Variants in ADSL observed in about 807,000 individuals in gnomAD.
ADSL encodes the protein adenylosuccinase.
In ADSL, 44 loss-of-function variants were observed where a neutral mutation model predicts 62.1. That is an observed-to-expected ratio of 0.71 (90% CI 0.56 to 0.91). The LOEUF is 0.91. Ranked by LOEUF, ADSL falls within the 40% of genes least tolerant of loss-of-function variation. ADSL has a pLI of 0.00. For synonymous variants in ADSL, 198 were observed against 220.5 expected, an observed-to-expected ratio of 0.90 and a Z score of 0.90; for missense variants, 531 against 627.4, an observed-to-expected ratio of 0.85 and a Z score of 1.64.
intron 2 of ADSL, among the ~76,000 whole-genome samples, chr22:40,381,422 A>G (rs2047565441): frequency 2.0e-5 from 3 of 152,106 alleles, no homozygotes; most frequent in Admixed American, 2.0e-4. Context: ...GTGCTGGGAT[A>G]AGAGGAATGA....
chr22:40,352,356 G>A (rs906932656), intron 2 of ADSL, among the ~76,000 whole-genome samples: 7 of 152,024 alleles, frequency 4.6e-5, no homozygotes, highest in African/African-American at 1.4e-4. Context: ...GTGAAACCCT[G>A]TCTCTACTAA....
intron 1 of ADSL, 29 bp from the exon 2 acceptor site, chr22:40,349,803 T>G (rs764558921): frequency 6.3e-7 from 1 of 1,590,618 alleles, no homozygotes; most frequent in South Asian, 1.1e-5. Context: ...ACACTGAGAC[T>G]ATTTTATTTT....
At chr22:40,363,208 T>A in intron 10 of ADSL, 137 bp downstream of exon 10, 1 of 791,428 alleles carries the variant, frequency 1.3e-6, no homozygotes, top group Non-Finnish European at 2.2e-6. Context: ...CTTCAGTTCA[T>A]AAGCTCTAGG....
chr22:40,370,354 C>CAAAAAAA (rs11328048), downstream of ADSL, among the ~76,000 whole-genome samples: 4 of 86,378 alleles, frequency 4.6e-5, no homozygotes, highest in African/African-American at 1.8e-4. Flanking sequence ...GACTCCATCT[C>CAAAAAAA]AAAAAAAAAA....
intron 4 of ADSL, among the ~76,000 whole-genome samples, chr22:40,358,051 T>A (rs2044632186): frequency 6.6e-6 from 1 of 152,198 alleles, no homozygotes; most frequent in Admixed American, 6.5e-5. Context: ...GTGCTGGGAT[T>A]ATAGGCATGA....
chr22:40,377,618 T>C (rs150632646), intron 2 of ADSL, among the ~76,000 whole-genome samples: 3 of 152,252 alleles, frequency 2.0e-5, no homozygotes, highest in Non-Finnish European at 4.4e-5. Context: ...GGCGGATCCA[T>C]TGGGCTAAGG....
At chr22:40,376,094 C>T (rs2046509833) in intron 2 of ADSL, among the ~76,000 whole-genome samples, 1 of 150,608 alleles carries the variant, frequency 6.6e-6, no homozygotes, top group South Asian at 2.1e-4. Flanking sequence ...AGATCATTTC[C>T]CTTTTCCCTC....
intron 2 of ADSL, 56 bp from the exon 3 acceptor site, chr22:40,353,014 GTAA>G: frequency 6.7e-7 from 1 of 1,484,878 alleles, no homozygotes. Context: ...AAAGTGTTAT[GTAA>G]TAATATTGTT....
chr22:40,360,315 C>A, intron 6 of ADSL, 87 bp from the exon 7 acceptor site: 1 of 1,106,846 alleles, frequency 9.0e-7, no homozygotes, highest in Non-Finnish European at 1.4e-6. Flanking sequence ...CCTCCGTTAG[C>A]CTCCTAAGTA....
intron 9 of ADSL, among the ~76,000 whole-genome samples, chr22:40,362,348 G>A (rs1369992828): frequency 6.6e-6 from 1 of 152,206 alleles, no homozygotes; most frequent in Non-Finnish European, 1.5e-5. Flanking sequence ...CTGGAAATAA[G>A]TCATGTGAAC....
rs778350288 is a variant in ADSL, at chr22:40,353,483, C to T, written c.402+366C>T. The T allele has an allele frequency of 4.8e-4, 334 of 691,902 alleles. 1 individual carries two copies. In the Middle Eastern group the frequency reaches 5.4e-3, roughly 11 times the overall value. 42.9% of individuals were successfully genotyped at this position (691,902 alleles called of 1,614,324 possible). A position where few individuals can be genotyped will look rare whatever the true frequency, so the allele number is the denominator to read the frequency against. On this transcript the variant is annotated intron_variant, in intron 3 of 12. Transcript: ENST00000623063. The stretch of plus-strand genomic sequence containing the variant: ...AATTTTCTGTAGAAATGGTTTTTGC[C>T]ATGTTGCCCAGGCTGGTCTCAAACT...
intron 4 of ADSL, among the ~76,000 whole-genome samples, chr22:40,355,999 T>A (rs2044537672): frequency 7.3e-6 from 1 of 136,368 alleles, no homozygotes; most frequent in Admixed American, 7.9e-5. Context: ...CCAGCCTGGC[T>A]CACATGGTGA....
intron 2 of ADSL, chr22:40,376,228 C>T (rs926655604): frequency 8.8e-6 from 1 of 114,160 alleles, no homozygotes; most frequent in Admixed American, 1.1e-4. Context: ...GGAAACAGTA[C>T]GGTAGTCGGA....
intron 2 of ADSL, among the ~76,000 whole-genome samples, chr22:40,380,423 G>T (rs1042791702): frequency 6.8e-6 from 1 of 148,002 alleles, no homozygotes; most frequent in Admixed American, 6.9e-5. Flanking sequence ...CTGGAGTGCA[G>T]TGGCACTATC....
rs2044455621 is a variant in ADSL, at chr22:40,354,053, C to G, written c.403-195C>G. On this transcript the variant is annotated intron_variant, in intron 3 of 12. Coordinates refer to ENST00000623063, the MANE Select transcript of ADSL (RefSeq NM_000026.4). ...AATAGTTCATGACATTTTAGGTAGT[C>G]AACTCAGTTTTCAAATTTTGGTTAC... 8.0e-6 allele frequency: 5 copies of G among 627,874 alleles called. No individual in the cohort carries two copies. In the South Asian group the frequency reaches 9.2e-5, roughly 12 times the overall value. 38.9% of individuals were successfully genotyped at this position (627,874 alleles called of 1,614,324 possible).
chr22:40,387,493 A>G, intron 2 of ADSL: 1 of 313,700 alleles, frequency 3.2e-6, no homozygotes, highest in Non-Finnish European at 5.8e-6. Context: ...TAGGTGCCCT[A>G]ATCTCCTATG....
intron 1 of ADSL, 26 bp downstream of exon 1, chr22:40,346,737 G>T: frequency 6.3e-7 from 1 of 1,581,526 alleles, no homozygotes; most frequent in East Asian, 2.3e-5. Context: ...CTGAGGGGCT[G>T]GGCCGGGAGG....
downstream of ADSL, among the ~76,000 whole-genome samples, chr22:40,371,468 TA>T (rs1462772486): frequency 2.6e-5 from 4 of 152,216 alleles, no homozygotes; most frequent in African/African-American, 9.6e-5. Flanking sequence ...TCTTTCTTAG[TA>T]AATTCAAGTC....
intron 4 of ADSL, among the ~76,000 whole-genome samples, chr22:40,356,020 C>G (rs865851327): frequency 7.5e-6 from 1 of 133,722 alleles, no homozygotes; most frequent in South Asian, 2.4e-4. Context: ...AACCCTGTCT[C>G]TACTAAAAAT....
Sources: gnomAD v4.1 joint callset for allele counts (sites outside exome capture counted in the v4.1 genomes callset) on GRCh38, gnomAD v4.1.1 for gene constraint, MANE v1.5 for transcripts, NCBI Gene and HGNC (gene_info 2026-07-23, HGNC 2026-07-21) for gene names.